Variants in MIDEAS observed in about 807,000 individuals in gnomAD.
MIDEAS encodes mitotic deacetylase-associated SANT domain protein.
Under a neutral mutation model 102.7 loss-of-function variants are expected in MIDEAS, and 26 were observed. That is an observed-to-expected ratio of 0.25 (90% CI 0.19 to 0.35). MIDEAS has a LOEUF of 0.35. Ranked by LOEUF, MIDEAS falls within the 10% of genes least tolerant of loss-of-function variation. The probability of loss-of-function intolerance (pLI) is 1.00; values close to 1 mark genes in which losing one functional copy is unlikely to be tolerated. For missense variants in MIDEAS, 1,231 were observed against 1,435.6 expected (o/e 0.86, Z 2.30); for synonymous variants, 585 against 591.0 (o/e 0.99, Z 0.15).
At chr14:73,776,518 T>C (rs533810470) in intron 1 of MIDEAS, among the ~76,000 whole-genome samples, 8 of 134,476 alleles carry the variant, frequency 5.9e-5, no homozygotes, top group Admixed American at 1.5e-4. Flanking sequence ...ACCCCATCTC[T>C]GTTTAAATTA....
At chr14:73,726,215 G>A (rs1175274841) in intron 7 of MIDEAS, 107 bp from the exon 8 acceptor site, 14 of 933,928 alleles carry the variant, frequency 1.5e-5, no homozygotes, top group Non-Finnish European at 2.4e-5. Context: ...ACTTACTCTT[G>A]CCCCCTTAAC....
At chr14:73,776,671 A>G (rs1169264172) in intron 1 of MIDEAS, among the ~76,000 whole-genome samples, 1 of 151,838 alleles carries the variant, frequency 6.6e-6, no homozygotes, top group African/African-American at 2.4e-5. Context: ...ACACCTGTCC[A>G]CCTGGCATAT....
chr14:73,790,032 G>A (rs62006100), upstream of MIDEAS: 15,919 of 152,202 alleles, frequency 0.1, 939 homozygotes, highest in East Asian at 0.27. Flanking sequence ...GGTTGGGGTG[G>A]AGGGTCAAAA....
intron 1 of MIDEAS, among the ~76,000 whole-genome samples, chr14:73,782,606 T>C (rs1404382531): frequency 6.6e-6 from 1 of 152,168 alleles, no homozygotes; most frequent in African/African-American, 2.4e-5. Flanking sequence ...CTGGGATTAT[T>C]GGCATAAGCC....
chr14:73,741,326 C>G (rs2053278482), intron 1 of MIDEAS, among the ~76,000 whole-genome samples: 1 of 151,992 alleles, frequency 6.6e-6, no homozygotes, highest in Non-Finnish European at 1.5e-5. Flanking sequence ...ATGTATTTTT[C>G]AAGACTTTTC....
intron 1 of MIDEAS, among the ~76,000 whole-genome samples, chr14:73,775,111 A>C (rs1425898812): frequency 6.6e-6 from 1 of 152,072 alleles, no homozygotes; most frequent in Admixed American, 6.6e-5. Context: ...AAGAGACAAC[A>C]ATAAGCAAAG....
At chr14:73,721,110 A>G (rs1252053387) in intron 11 of MIDEAS, among the ~76,000 whole-genome samples, 187 bp downstream of exon 11, 1 of 152,246 alleles carries the variant, frequency 6.6e-6, no homozygotes, top group Non-Finnish European at 1.5e-5. Flanking sequence ...TAAAATGGGA[A>G]TAACAGTAAT....
chr14:73,727,348 A>G (rs964086624), intron 5 of MIDEAS, 110 bp downstream of exon 5: 2 of 1,137,626 alleles, frequency 1.8e-6, no homozygotes, highest in Admixed American at 1.8e-5. Flanking sequence ...AGGCCCTCTC[A>G]GCCCTCTGCA....
chr14:73,758,405 C>T (rs1168369439), intron 1 of MIDEAS, among the ~76,000 whole-genome samples: 1 of 152,214 alleles, frequency 6.6e-6, no homozygotes, highest in Non-Finnish European at 1.5e-5. Flanking sequence ...GGACTGGCTT[C>T]TCGGTCCACC....
rs1221989349 is a variant in MIDEAS, at chr14:73,716,923, C to A, written c.*1920G>T. On this transcript the variant is annotated 3_prime_UTR_variant, in exon 13 of 13. Coordinates refer to ENST00000423556, the MANE Select transcript of MIDEAS (RefSeq NM_001367710.1). ...AAGAGAGCCTAAATTTGCTACCCCC[C>A]TGCTTCTACAGGGTATACCAGATTT... 1 of 152,620 alleles carries A rather than the reference C, an allele frequency of 6.6e-6. No individual in the cohort carries two copies. The highest frequency in any genetic ancestry group is 1.5e-5 in the Non-Finnish European group (1 of 68,024). The allele number at this position is 152,620 out of a possible 1,614,324, so 9.5% of individuals were successfully genotyped here.
chr14:73,754,259 C>T (rs566516153), intron 1 of MIDEAS, among the ~76,000 whole-genome samples: 53 of 152,262 alleles, frequency 3.5e-4, no homozygotes, highest in Non-Finnish European at 6.9e-4. Context: ...AGATGGGCCT[C>T]TGCCCCGTTT....
At chr14:73,783,819 GTGTCTGGAAAAC>G (rs2053779402) in intron 1 of MIDEAS, among the ~76,000 whole-genome samples, 1 of 152,228 alleles carries the variant, frequency 6.6e-6, no homozygotes, top group African/African-American at 2.4e-5. Context: ...GCCAGCCGTG[GTGTCTGGAAAAC>G]TGTAGCGTGT....
chr14:73,768,194 G>T (rs1236424898), intron 1 of MIDEAS, among the ~76,000 whole-genome samples: 1 of 152,064 alleles, frequency 6.6e-6, no homozygotes, highest in Non-Finnish European at 1.5e-5. Flanking sequence ...AAAAATACAT[G>T]CTTGAGATGA....
chr14:73,786,174 T>C (rs1436755429), intron 1 of MIDEAS, among the ~76,000 whole-genome samples: 1 of 152,298 alleles, frequency 6.6e-6, no homozygotes, highest in Middle Eastern at 3.4e-3. Context: ...CCGCCGCCGC[T>C]ACAGTTGCAG....
chr14:73,755,470 C>T (rs2053468461), intron 1 of MIDEAS, among the ~76,000 whole-genome samples: 1 of 152,232 alleles, frequency 6.6e-6, no homozygotes, highest in Admixed American at 6.5e-5. Context: ...TTGGCTCTAC[C>T]CAAACCTCCT....
chr14:73,764,379 A>C (rs187597666), upstream of MIDEAS, among the ~76,000 whole-genome samples: 7 of 150,616 alleles, frequency 4.6e-5, no homozygotes, highest in East Asian at 3.9e-4. Context: ...CAAAACAAAA[A>C]AAAACCACCT....
chr14:73,739,904 G>C lies in MIDEAS; in HGVS notation c.105C>G (p.Pro35=), dbSNP rs766441826. ...CCTCCTTCACTCTGATGGACTGCTG[G>C]GGGGGCTGCAGGGGAGGGGGCTGCT... is the stretch of plus-strand genomic sequence containing the variant. ...PKEQPPPLQP[P]QQSIRVKEEQ... is the part of the protein sequence containing the mutation. The change falls in exon 2 of 13, where the codon CCC becomes CCG. Residue 35 remains proline, a synonymous_variant. Coordinates refer to ENST00000423556, the MANE Select transcript of MIDEAS (RefSeq NM_001367710.1). The C allele has an allele frequency of 5.8e-6, 9 of 1,553,876 alleles. No individual in the cohort carries two copies. The highest frequency in any genetic ancestry group is 2.3e-5 in the East Asian group (1 of 44,228).
At position 73,759,996 on chromosome 14, in the gene MIDEAS, C is replaced by G. The variant is rs1192274591; in HGVS notation, c.-481G>C. The G allele has an allele frequency of 6.6e-5, 10 of 152,020 alleles. No homozygotes were observed. The highest frequency in any genetic ancestry group is 2.0e-4 in the Admixed American group (3 of 15,288). The allele number at this position is 152,020 out of a possible 1,614,324, so 9.4% of individuals were successfully genotyped here. ...GGGACGCGCGGGCTGTCACCCCCCG[C>G]TTGCGATGCAGGAGCCTCGGCGCGC... On this transcript the variant is annotated 5_prime_UTR_variant, in exon 1 of 13. Transcript: ENST00000423556. The surrounding 1 kb of genome is among the most constrained non-coding windows in gnomAD (Gnocchi z 6.7).
At chr14:73,752,278 G>A (rs2053429232) in intron 1 of MIDEAS, among the ~76,000 whole-genome samples, 1 of 152,138 alleles carries the variant, frequency 6.6e-6, no homozygotes, top group Admixed American at 6.5e-5. Flanking sequence ...CTGACTACCT[G>A]AGCAGAGCTA....
Sources: allele counts gnomAD v4.1 joint callset (sites outside exome capture counted in the v4.1 genomes callset), GRCh38; gene constraint gnomAD v4.1.1; non-coding constraint Gnocchi (gnomAD v3.1); transcripts MANE v1.5; gene names NCBI Gene and HGNC (gene_info 2026-07-23, HGNC 2026-07-21).